Variants in RUBCN observed in about 807,000 individuals in gnomAD.
The protein encoded by RUBCN is run domain Beclin-1-interacting and cysteine-rich domain-containing protein.
RUBCN carries 74 observed loss-of-function variants against 113.2 expected under a neutral mutation model. The ratio of observed to expected loss-of-function variants is 0.65; its 90% CI spans 0.54 to 0.79. RUBCN has a LOEUF of 0.79. RUBCN is among the 30% of genes least tolerant of loss of function. The pLI is 0.00. For synonymous variants in RUBCN, 480 were observed against 490.0 expected (o/e 0.98, Z 0.27); for missense variants, 1,109 against 1,251.7 (o/e 0.89, Z 1.72).
At chr3:197,699,882 G>A (rs2108900278) in intron 7 of RUBCN, among the ~76,000 whole-genome samples, 1 of 152,008 alleles carries the variant, frequency 6.6e-6, no homozygotes, top group Non-Finnish European at 1.5e-5. Context: ...ATGGCTTTGA[G>A]CACAAAGCTC....
upstream of RUBCN, chr3:197,737,008 G>A: frequency 2.7e-6 from 3 of 1,126,126 alleles, no homozygotes; most frequent in Non-Finnish European, 3.3e-6. Flanking sequence ...CGCAGACCGC[G>A]CCCCTCCAAC....
intron 1 of RUBCN, among the ~76,000 whole-genome samples, chr3:197,730,746 T>C (rs529083044): frequency 7.5e-4 from 114 of 151,756 alleles, no homozygotes; most frequent in Non-Finnish European, 1.1e-3. Context: ...ATGAGAAACA[T>C]ATGGCTGCTT....
At chr3:197,702,197 T>G (rs1580260565) in intron 5 of RUBCN, among the ~76,000 whole-genome samples, 1 of 152,180 alleles carries the variant, frequency 6.6e-6, no homozygotes, top group East Asian at 1.9e-4. Context: ...AGCTATTTGA[T>G]CCAAACTTTG....
chr3:197,677,133 G>A, intron 17 of RUBCN, 95 bp from the exon 18 acceptor site: 1 of 1,351,094 alleles, frequency 7.4e-7, no homozygotes, highest in Non-Finnish European at 1.1e-6. Flanking sequence ...AGAAAGTAAT[G>A]AGGGTGGGCA....
intron 1 of RUBCN, among the ~76,000 whole-genome samples, chr3:197,726,196 G>C (rs1726725816): frequency 6.6e-6 from 1 of 152,028 alleles, no homozygotes; most frequent in Non-Finnish European, 1.5e-5. Context: ...CTGAAGGAAA[G>C]GGACTATGTA....
At position 197,669,496 on chromosome 3, in the gene RUBCN, G is replaced by T. The variant is rs1031926610; in HGVS notation, c.*5522C>A. Reference sequence around the variant, plus strand: ...TTCTCATGATTAGACTGAGGTTATGGGTTTCTGAATGAATGTCAGGGAAGA... The same window carrying T: ...TTCTCATGATTAGACTGAGGTTATGTGTTTCTGAATGAATGTCAGGGAAGA... On this transcript the variant is annotated 3_prime_UTR_variant, in exon 20 of 20. Transcript: ENST00000296343. 1.3e-5 allele frequency among the ~76,000 whole-genome samples: 2 copies of T among 152,134 alleles called. No homozygotes were observed. The highest frequency in any genetic ancestry group is 2.9e-5 in the Non-Finnish European group (2 of 68,028).
At chr3:197,698,540 A>G (rs1192196978) in intron 7 of RUBCN, among the ~76,000 whole-genome samples, 1 of 152,248 alleles carries the variant, frequency 6.6e-6, no homozygotes, top group Non-Finnish European at 1.5e-5. Context: ...CAGGTGAAAG[A>G]AAAAGGAAAC....
chr3:197,675,527 A>G lies in RUBCN; in HGVS notation c.2647-12T>C. The G allele has an allele frequency of 6.2e-7, 1 of 1,605,346 alleles. No individual in the cohort carries two copies. Reference sequence around the variant, plus strand: ...TTGGCTTGGCAGAGCTGGGGAGGAAAAACACAGATGGCAAAATGAGGAGCG... The same window carrying G: ...TTGGCTTGGCAGAGCTGGGGAGGAAGAACACAGATGGCAAAATGAGGAGCG... On this transcript the variant is annotated splice_polypyrimidine_tract_variant and intron_variant, in intron 18 of 19. Transcript: ENST00000296343. The surrounding 1 kb of genome is among the most constrained non-coding windows in gnomAD (Gnocchi z 4.4).
intron 1 of RUBCN, among the ~76,000 whole-genome samples, chr3:197,719,895 TC>T (rs1219740770): frequency 6.6e-6 from 1 of 152,194 alleles, no homozygotes; most frequent in Non-Finnish European, 1.5e-5. Context: ...AATTAGCATA[TC>T]CATCACCTTA....
At position 197,670,754 on chromosome 3, in the gene RUBCN, C is replaced by T. The variant is rs994513791; in HGVS notation, c.*4264G>A. On this transcript the variant is annotated 3_prime_UTR_variant, in exon 20 of 20. Transcript: ENST00000296343. ...GGGTGTGTTTACAGCATATAAATAT[C>T]ATCTTATCTCCTGGTTTAGTCCCTG... is the stretch of plus-strand genomic sequence containing the variant. Among the ~76,000 whole-genome samples the T allele has an allele frequency of 1.3e-5, 2 of 152,152 alleles. No homozygotes were observed. The highest frequency in any genetic ancestry group is 4.8e-5 in the African/African-American group (2 of 41,410).
At chr3:197,730,847 T>C (rs1727345614) in intron 1 of RUBCN, among the ~76,000 whole-genome samples, 1 of 145,546 alleles carries the variant, frequency 6.9e-6, no homozygotes, top group African/African-American at 2.5e-5. Context: ...TCAGCTTTTC[T>C]CATTAAAATA....
In RUBCN at chr3:197,674,465, CA is replaced by C; in HGVS notation, c.*552del. On this transcript the variant is annotated 3_prime_UTR_variant, in exon 20 of 20. Transcript: ENST00000296343. The stretch of plus-strand genomic sequence containing the variant: ...ATAGTCAGGATTGTTCTGTGGCCCC[CA>C]AAATACCCAAATAAGTGGACGAAAT... 2.3e-6 allele frequency: 1 copy of C among 436,038 alleles called. No homozygotes were observed. Among genetic ancestry groups the C allele is most frequent in the African/African-American group, 2.1e-5 (1 of 47,242 alleles). The allele number at this position is 436,038 out of a possible 1,614,324, so 27.0% of individuals were successfully genotyped here.
chr3:197,711,218 A>C (rs1724930123), intron 2 of RUBCN, among the ~76,000 whole-genome samples: 2 of 152,236 alleles, frequency 1.3e-5, no homozygotes, highest in Non-Finnish European at 2.9e-5. Flanking sequence ...GAATTCTAGG[A>C]ATTTATCCTA....
Position 197,681,275 on chromosome 3 carries a change from C to A in RUBCN, c.2284G>T (p.Val762Phe), listed in dbSNP as rs201413387. The change falls in exon 16 of 20, where the codon GTT becomes TTT. Residue 762 changes from valine to phenylalanine, a missense_variant. Coordinates refer to ENST00000296343, the MANE Select transcript of RUBCN (RefSeq NM_014687.4). This position sits in a 1 kb window ranked among gnomAD's most constrained non-coding sequence, Gnocchi z 5.5. ...ENAQMAIPSRVLRKWDFSKYY... is the reference protein window; with the variant it reads ...ENAQMAIPSRFLRKWDFSKYY... ...TTGCTGAAGTCCCACTTGCGCAGAA[C>A]CCGGCTGGGGATGGCCATCTGGGCA... The A allele has an allele frequency of 4.8e-4, 768 of 1,614,060 alleles. 2 individuals are homozygous for A. Among genetic ancestry groups the A allele is most frequent in the Non-Finnish European group, 5.7e-4 (676 of 1,180,044 alleles).
chr3:197,696,024 G>A, intron 8 of RUBCN, 43 bp from the exon 9 acceptor site: 1 of 1,584,090 alleles, frequency 6.3e-7, no homozygotes. Context: ...GGCTTCTTCA[G>A]GAAGTCTTAA....
intron 11 of RUBCN, among the ~76,000 whole-genome samples, chr3:197,688,965 G>A (rs989146848): frequency 1.3e-5 from 2 of 152,134 alleles, no homozygotes; most frequent in African/African-American, 2.4e-5. Context: ...TTATGGTGAT[G>A]GCTGCACAAC....
At chr3:197,748,872 G>C (rs1560487660) in intron 1 of RUBCN, among the ~76,000 whole-genome samples, 2 of 152,240 alleles carry the variant, frequency 1.3e-5, no homozygotes, top group Non-Finnish European at 2.9e-5. Flanking sequence ...ACTAAATTAA[G>C]CAAAGGCTAC....
At chr3:197,699,156 C>CA in intron 7 of RUBCN, 1 of 1,502,978 alleles carries the variant, frequency 6.7e-7, no homozygotes, top group Non-Finnish European at 9.1e-7. Flanking sequence ...CAAAACAGAA[C>CA]AAAGAGGAGG....
chr3:197,697,002 C>T lies in RUBCN; in HGVS notation c.1309G>A (p.Gly437Ser), dbSNP rs771542846. The T allele has an allele frequency of 5.6e-6, 9 of 1,610,946 alleles. No individual in the cohort carries two copies. Among genetic ancestry groups the T allele is most frequent in the Non-Finnish European group, 6.8e-6 (8 of 1,177,182 alleles). The stretch of plus-strand genomic sequence containing the variant: ...GGTGTGCTGACTTCACTGCTTTGAC[C>T]AGAGTAGGGCAAAGGGCCTCTCAAC... ...AKLRGPLPYS[G>S]QSSEVSTPSS... Residue 437 changes from glycine to serine, a missense_variant, in exon 8 of 20, where the codon GGT becomes AGT. By Grantham distance (56) the Gly-to-Ser change is moderately conservative (BLOSUM62 0). This residue lies in a region of RUBCN where 736 missense variants were observed against 779.6 expected (regional missense o/e 0.94). Coordinates refer to ENST00000296343, the MANE Select transcript of RUBCN (RefSeq NM_014687.4).
Sources: allele counts gnomAD v4.1 joint callset (sites outside exome capture counted in the v4.1 genomes callset), GRCh38; gene constraint gnomAD v4.1.1; regional missense constraint gnomAD v4.1.1; non-coding constraint Gnocchi (gnomAD v3.1); transcripts MANE v1.5; gene names NCBI Gene and HGNC (gene_info 2026-07-23, HGNC 2026-07-21).